UTRN: variants seen among roughly 807,000 people sequenced by gnomAD.
The protein encoded by UTRN is dystrophin-related protein 1.
Under a neutral mutation model 463.9 loss-of-function variants are expected in UTRN, and 283 were observed. The observed-to-expected ratio is 0.61, with a 90% CI of 0.55 to 0.67. The LOEUF is 0.67. UTRN is among the 30% of genes least tolerant of loss of function. UTRN has a pLI of 0.00. For synonymous variants in UTRN, 1,442 were observed against 1,431.5 expected, an observed-to-expected ratio of 1.01 and a Z score of -0.17; for missense variants, 3,922 against 4,084.3, an observed-to-expected ratio of 0.96 and a Z score of 1.08.
chr6:144,481,955 A>C (rs113204706), intron 26 of UTRN, among the ~76,000 whole-genome samples: 199 of 152,330 alleles, frequency 1.3e-3, no homozygotes, highest in African/African-American at 4.7e-3. Flanking sequence ...GCTTCTCGGG[A>C]GGCTGAGGCA....
chr6:144,777,046 T>A (rs1775385158), intron 60 of UTRN, among the ~76,000 whole-genome samples: 1 of 152,166 alleles, frequency 6.6e-6, no homozygotes, highest in South Asian at 2.1e-4. Context: ...ATTCTGTTTA[T>A]TAGTTATTGT....
At chr6:144,628,236 G>A (rs956875550) in intron 51 of UTRN, among the ~76,000 whole-genome samples, 7 of 152,102 alleles carry the variant, frequency 4.6e-5, no homozygotes, top group African/African-American at 1.4e-4. Flanking sequence ...ACAAGTATCC[G>A]TTTTAGTCTC....
chr6:144,716,237 CT>C (rs35485068), intron 53 of UTRN, among the ~76,000 whole-genome samples: 5,715 of 141,066 alleles, frequency 0.041, 210 homozygotes, highest in African/African-American at 0.11. Flanking sequence ...TAAAATATAG[CT>C]TTTTTTTTTT....
chr6:144,355,371 G>T (rs1202369694), intron 2 of UTRN, among the ~76,000 whole-genome samples: 1 of 151,968 alleles, frequency 6.6e-6, no homozygotes, highest in African/African-American at 2.4e-5. Flanking sequence ...ACTAGTTTTT[G>T]TATTTTTGGT....
At position 144,524,694 on chromosome 6, in the gene UTRN, C is replaced by T. The variant is rs148377712; in HGVS notation, c.5906+1506C>T. On this transcript the variant is annotated intron_variant, in intron 41 of 74. Coordinates refer to ENST00000367545, the MANE Select transcript of UTRN (RefSeq NM_007124.3). ...GATGCCCTTTATTTCTTTCTCTTGT[C>T]TGATTGCTCTGTCTAGGACTTCCGG... Among the ~76,000 whole-genome samples, 877 of 152,190 alleles carry T rather than the reference C, an allele frequency of 5.8e-3. 13 individuals are homozygous for T. The highest frequency in any genetic ancestry group is 0.02 in the African/African-American group (844 of 41,532).
chr6:144,614,774 T>A (rs996315358), intron 51 of UTRN, among the ~76,000 whole-genome samples: 1 of 152,136 alleles, frequency 6.6e-6, no homozygotes, highest in Admixed American at 6.6e-5. Flanking sequence ...AATTCTTTCT[T>A]GTACTTTGGG....
chr6:144,699,535 T>C (rs1784376134), intron 52 of UTRN, among the ~76,000 whole-genome samples: 1 of 142,204 alleles, frequency 7.0e-6, no homozygotes, highest in Non-Finnish European at 1.5e-5. Context: ...TTGTAAATCC[T>C]TAAATGGCGT....
At chr6:144,747,877 T>A (rs1790938980) in intron 54 of UTRN, among the ~76,000 whole-genome samples, 1 of 152,218 alleles carries the variant, frequency 6.6e-6, no homozygotes, top group Non-Finnish European at 1.5e-5. Flanking sequence ...CTCTTGAGAA[T>A]ACTGAAATGA....
At chr6:144,448,889 TTATGAAAA>T in intron 17 of UTRN, 120 bp downstream of exon 17, 6 of 1,208,670 alleles carry the variant, frequency 5.0e-6, no homozygotes, top group East Asian at 2.6e-5. Context: ...AGTATTATTA[TTATGAAAA>T]GTCAACTACT....
At chr6:144,738,112 CTGGATTTTGGCTGGCT>C (rs1490998330) in intron 54 of UTRN, among the ~76,000 whole-genome samples, 1 of 152,216 alleles carries the variant, frequency 6.6e-6, no homozygotes, top group African/African-American at 2.4e-5. Context: ...TCCTTAACCT[CTGGATTTTGGCTGGCT>C]TTTGACTCAT....
At chr6:144,716,544 A>G (rs1484791749) in intron 53 of UTRN, among the ~76,000 whole-genome samples, 4 of 152,186 alleles carry the variant, frequency 2.6e-5, no homozygotes, top group African/African-American at 9.7e-5. Context: ...TGTTCTTTGA[A>G]AGCAGTAATT....
intron 2 of UTRN, among the ~76,000 whole-genome samples, chr6:144,392,701 G>A (rs886954912): frequency 2.0e-5 from 3 of 152,090 alleles, no homozygotes; most frequent in South Asian, 2.1e-4. Flanking sequence ...CCTCTAGTGT[G>A]GTTTGCACAC....
intron 5 of UTRN, 145 bp from the exon 6 acceptor site, chr6:144,423,841 T>A: frequency 1.1e-6 from 1 of 936,618 alleles, no homozygotes; most frequent in Non-Finnish European, 1.6e-6. Flanking sequence ...TTTTGAGATT[T>A]AAGCTTACCT....
intron 2 of UTRN, among the ~76,000 whole-genome samples, chr6:144,361,644 C>T (rs927769270): frequency 1.1e-4 from 16 of 152,238 alleles, no homozygotes; most frequent in African/African-American, 3.6e-4. Context: ...GGCTGGAGTG[C>T]AATGGCATGA....
chr6:144,566,618 AAACTTCACTTCCTCATT>A (rs1248252631), intron 50 of UTRN, among the ~76,000 whole-genome samples: 1 of 152,146 alleles, frequency 6.6e-6, no homozygotes, highest in Non-Finnish European at 1.5e-5. Context: ...GTTGGATTTC[AAACTTCACTTCCTCATT>A]GAGGCAGTGG....
chr6:144,744,996 A>G (rs187696073), intron 54 of UTRN, among the ~76,000 whole-genome samples: 2 of 152,282 alleles, frequency 1.3e-5, no homozygotes, highest in East Asian at 1.9e-4. Context: ...TTTGGCATCT[A>G]TCTATCCATG....
At chr6:144,626,580 A>G (rs1775963972) in intron 51 of UTRN, among the ~76,000 whole-genome samples, 1 of 152,238 alleles carries the variant, frequency 6.6e-6, no homozygotes, top group Non-Finnish European at 1.5e-5. Context: ...AGCTGCCTAC[A>G]GGCCACTCAG....
chr6:144,432,003 A>G (rs1785894650), intron 9 of UTRN, among the ~76,000 whole-genome samples: 1 of 151,928 alleles, frequency 6.6e-6, no homozygotes, highest in Non-Finnish European at 1.5e-5. Context: ...TTAGTATTAT[A>G]CTTTAAGTTT....
At chr6:144,685,987 G>A (rs1284679190) in intron 52 of UTRN, among the ~76,000 whole-genome samples, 1 of 151,996 alleles carries the variant, frequency 6.6e-6, no homozygotes, top group Non-Finnish European at 1.5e-5. Flanking sequence ...ATTTTCAGAA[G>A]AGTTTTTCCT....
Sources: allele counts gnomAD v4.1 joint callset (sites outside exome capture counted in the v4.1 genomes callset), GRCh38; gene constraint gnomAD v4.1.1; transcripts MANE v1.5; gene names NCBI Gene and HGNC (gene_info 2026-07-23, HGNC 2026-07-21).